Variants in OPCML observed in about 807,000 individuals in gnomAD.
The protein encoded by OPCML is opioid-binding protein/cell adhesion molecule.
A neutral mutation model predicts 37.8 loss-of-function variants in OPCML; 13 were observed. The ratio of observed to expected loss-of-function variants is 0.34; its 90% CI spans 0.22 to 0.55. The LOEUF is 0.55. OPCML is among the 20% of genes least tolerant of loss of function. The pLI, the probability that OPCML is intolerant of heterozygous loss-of-function variation, is 0.91. For synonymous variants in OPCML, 176 were observed against 168.8 expected, an observed-to-expected ratio of 1.04 and a Z score of -0.33; for missense variants, 341 against 435.6, an observed-to-expected ratio of 0.78 and a Z score of 1.93.
rs116473900 is a variant in OPCML at position 133,191,013 on chromosome 11, A to T, written c.62-248003T>A. 8.1e-3 allele frequency among the ~76,000 whole-genome samples: 1,226 copies of T among 152,146 alleles called. 10 individuals carry two copies. The highest frequency in any genetic ancestry group is 0.028 in the African/African-American group (1,171 of 41,500). Reference sequence around the variant, plus strand: ...TTCTTCTGGTTATGTCTCGGGGTGGAATTACTGAATATTAGGGTAACCACA... The same window carrying T: ...TTCTTCTGGTTATGTCTCGGGGTGGTATTACTGAATATTAGGGTAACCACA... On this transcript the variant is annotated intron_variant, in intron 1 of 7. Transcript: ENST00000524381.
intron 2 of OPCML, among the ~76,000 whole-genome samples, chr11:132,786,686 C>A (rs1947222280): frequency 6.6e-6 from 1 of 151,914 alleles, no homozygotes; most frequent in Non-Finnish European, 1.5e-5. Flanking sequence ...TAGGTTGTAC[C>A]ATGTAGGTGT....
In OPCML at chr11:133,233,639, AC is replaced by A. The variant is rs530305971; in HGVS notation, c.62-290630del. Reference sequence around the variant, plus strand: ...AAATCCCTTTATCCTTTGTCTTGTCACATCTCCACATTTTATGGCTCCTTGT... The same window carrying A: ...AAATCCCTTTATCCTTTGTCTTGTCAATCTCCACATTTTATGGCTCCTTGT... On this transcript the variant is annotated intron_variant, in intron 1 of 7. Coordinates refer to ENST00000524381, the MANE Select transcript of OPCML (RefSeq NM_001012393.5). Among the ~76,000 whole-genome samples the A allele has an allele frequency of 2.1e-3, 321 of 152,312 alleles. 5 individuals are homozygous for A. The highest frequency in any genetic ancestry group is 0.01 in the Middle Eastern group (3 of 294).
At chr11:133,225,922 C>G (rs1288967782) in intron 1 of OPCML, among the ~76,000 whole-genome samples, 1 of 152,248 alleles carries the variant, frequency 6.6e-6, no homozygotes, top group Non-Finnish European at 1.5e-5. Flanking sequence ...CTTCAAACAG[C>G]TTCCCATGCA....
chr11:133,407,456 C>T lies in OPCML; in HGVS notation c.61+124808G>A, dbSNP rs181413657. Among the ~76,000 whole-genome samples the T allele has an allele frequency of 3.2e-4, 49 of 152,176 alleles. 1 individual carries two copies. The East Asian group carries it at 9.3e-3, about 29-fold the overall frequency. On this transcript the variant is annotated intron_variant, in intron 1 of 7. Coordinates refer to ENST00000524381, the MANE Select transcript of OPCML (RefSeq NM_001012393.5). ...AGAGAGCTTCATTATGGAAACTTAT[C>T]CCGGCATGCAGTGGTGGAGTTTCTA... is the stretch of plus-strand genomic sequence containing the variant.
At chr11:132,599,770 A>G (rs1453157804) in intron 3 of OPCML, among the ~76,000 whole-genome samples, 3 of 152,190 alleles carry the variant, frequency 2.0e-5, no homozygotes, top group African/African-American at 7.2e-5. Flanking sequence ...CTATTACTAT[A>G]TATCCCTATT....
At chr11:132,814,671 T>C (rs1393539830) in intron 2 of OPCML, among the ~76,000 whole-genome samples, 2 of 152,162 alleles carry the variant, frequency 1.3e-5, no homozygotes, top group Non-Finnish European at 2.9e-5. Context: ...CACTCAAAAA[T>C]AATGTTTAAT....
intron 2 of OPCML, among the ~76,000 whole-genome samples, chr11:132,786,276 G>A (rs566343834): frequency 6.6e-6 from 1 of 152,268 alleles, no homozygotes; most frequent in East Asian, 1.9e-4. Flanking sequence ...AAGCTGAAAC[G>A]ATTTCATAGT....
At chr11:132,824,333 T>C (rs1940170871) in intron 2 of OPCML, among the ~76,000 whole-genome samples, 1 of 152,194 alleles carries the variant, frequency 6.6e-6, no homozygotes, top group South Asian at 2.1e-4. Context: ...TCATTAGTTT[T>C]CTCTGCTCAT....
At chr11:133,453,406 G>T (rs1946616459) in intron 1 of OPCML, among the ~76,000 whole-genome samples, 1 of 152,140 alleles carries the variant, frequency 6.6e-6, no homozygotes, top group Non-Finnish European at 1.5e-5. Context: ...AGAAATAAAA[G>T]CATTTGTAAT....
At position 132,918,710 on chromosome 11, in the gene OPCML, A is replaced by G. The variant is rs763374765; in HGVS notation, c.146+24216T>C. Among the ~76,000 whole-genome samples the G allele has an allele frequency of 7.2e-5, 11 of 152,326 alleles. 1 individual carries two copies. The highest frequency in any genetic ancestry group is 3.4e-3 in the Middle Eastern group (1 of 294). ...CCCCAATCACCACCAATCTTACCAGAGGACATTTAAGTTACAAAGGCTATA... is the reference window on the plus strand; with the variant it reads ...CCCCAATCACCACCAATCTTACCAGGGGACATTTAAGTTACAAAGGCTATA... On this transcript the variant is annotated intron_variant, in intron 2 of 7. Coordinates refer to ENST00000524381, the MANE Select transcript of OPCML (RefSeq NM_001012393.5).
chr11:132,509,114 A>T (rs2096263424), intron 4 of OPCML, among the ~76,000 whole-genome samples: 1 of 152,124 alleles, frequency 6.6e-6, no homozygotes, highest in Admixed American at 6.5e-5. Context: ...AGTGGAGCAA[A>T]GGTGACTCTT....
chr11:132,513,182 T>C (rs191481587), intron 4 of OPCML, among the ~76,000 whole-genome samples: 42 of 152,180 alleles, frequency 2.8e-4, no homozygotes, highest in African/African-American at 9.9e-4. Context: ...ATTTGGTTTA[T>C]GTTAGAAATC....
At chr11:132,764,257 A>G (rs1267324817) in intron 2 of OPCML, among the ~76,000 whole-genome samples, 1 of 152,222 alleles carries the variant, frequency 6.6e-6, no homozygotes, top group African/African-American at 2.4e-5. Flanking sequence ...GTGGAAGTAT[A>G]GAGTGGGTGA....
intron 1 of OPCML, among the ~76,000 whole-genome samples, chr11:133,470,717 C>A (rs1947088623): frequency 6.6e-6 from 1 of 152,222 alleles, no homozygotes; most frequent in South Asian, 2.1e-4. Context: ...CAGACCCCAA[C>A]TATTGGCTGA....
chr11:132,636,481 C>T (rs902091478), intron 3 of OPCML, among the ~76,000 whole-genome samples: 1 of 152,212 alleles, frequency 6.6e-6, no homozygotes. Flanking sequence ...TCTTGGAATA[C>T]ATGCTGGCAT....
chr11:133,322,669 C>T (rs1943359821), intron 1 of OPCML, among the ~76,000 whole-genome samples: 1 of 152,172 alleles, frequency 6.6e-6, no homozygotes, highest in Non-Finnish European at 1.5e-5. Flanking sequence ...AATGCTACCA[C>T]CAATGACCCA....
intron 2 of OPCML, among the ~76,000 whole-genome samples, chr11:132,785,221 A>T (rs1308572819): frequency 6.6e-6 from 1 of 152,206 alleles, no homozygotes; most frequent in Non-Finnish European, 1.5e-5. Context: ...CTATGTGATC[A>T]GAGCACTTTT....
Position 132,500,786 on chromosome 11 carries a change from T to C in OPCML, c.505+28275A>G, listed in dbSNP as rs192692663. 2.0e-5 allele frequency among the ~76,000 whole-genome samples: 3 copies of C among 152,310 alleles called. No homozygotes were observed. In the East Asian group the frequency reaches 5.8e-4, roughly 29 times the overall value. On this transcript the variant is annotated intron_variant, in intron 4 of 7. Coordinates refer to ENST00000524381, the MANE Select transcript of OPCML (RefSeq NM_001012393.5). ...GTTCTCATTGTTCATCTCCCACTTA[T>C]GAGTGAGAACATGTGGTGTTTGGTT...
intron 4 of OPCML, among the ~76,000 whole-genome samples, chr11:132,490,760 G>A (rs2096213126): frequency 6.7e-6 from 1 of 150,086 alleles, no homozygotes; most frequent in Non-Finnish European, 1.5e-5. Flanking sequence ...GCAGTGAGCC[G>A]AGATCGTGCC....
Sources: gnomAD v4.1 joint callset for allele counts (sites outside exome capture counted in the v4.1 genomes callset) on GRCh38, gnomAD v4.1.1 for gene constraint, MANE v1.5 for transcripts, NCBI Gene and HGNC (gene_info 2026-07-23, HGNC 2026-07-21) for gene names.